The following UGT1A9 variants were observed in gnomAD, a reference collection of about 807,000 sequenced individuals.
The protein encoded by UGT1A9 is UDP glucuronosyltransferase family 1 member A9.
A neutral mutation model predicts 45.0 loss-of-function variants in UGT1A9; 35 were observed. The observed-to-expected ratio is 0.78, with a 90% confidence interval of 0.59 to 1.03. The LOEUF (loss-of-function observed/expected upper bound fraction) is 1.03, where lower values mean the gene tolerates loss of function less well. Among genes scored for constraint, UGT1A9 ranks in the 50% least tolerant of loss-of-function variants. The pLI is 0.00. For missense variants in UGT1A9, 687 were observed against 666.6 expected (o/e 1.03, Z -0.34); for synonymous variants, 278 against 250.6 (o/e 1.11, Z -1.03).
At chr2:233,693,986 G>C in intron 1 of UGT1A9, 11 of 1,543,072 alleles carry the variant, frequency 7.1e-6, no homozygotes, top group Non-Finnish European at 9.6e-6. Context: ...GTGGGGGGAA[G>C]TGATACCCGG....
intron 1 of UGT1A9, among the ~76,000 whole-genome samples, chr2:233,677,710 C>A (rs2074397384): frequency 6.6e-6 from 1 of 152,048 alleles, no homozygotes; most frequent in Non-Finnish European, 1.5e-5. Context: ...GAAAAGGGAA[C>A]ACTTGTACCC....
chr2:233,748,732 T>A (rs1233122564), intron 1 of UGT1A9, among the ~76,000 whole-genome samples: 1 of 151,606 alleles, frequency 6.6e-6, no homozygotes, highest in East Asian at 1.9e-4. Context: ...TGTGGGGACA[T>A]CTCAGAGTTC....
rs564101757 is a variant in UGT1A9, at chr2:233,734,503, C to G, written c.856-32531C>G. On this transcript the variant is annotated intron_variant, in intron 1 of 4. Transcript: ENST00000354728. ...GATTTTTTTGAAGGTTTTTTTGTGTCTCTATCTCTTTCAGTTCTGCTCTGA... is the reference window on the plus strand; with the variant it reads ...GATTTTTTTGAAGGTTTTTTTGTGTGTCTATCTCTTTCAGTTCTGCTCTGA... Among the ~76,000 whole-genome samples the G allele has an allele frequency of 2.0e-5, 3 of 152,124 alleles. No homozygotes were observed. The South Asian group carries it at 6.2e-4, about 32-fold the overall frequency.
intron 1 of UGT1A9, among the ~76,000 whole-genome samples, chr2:233,753,898 C>T (rs1695337682): frequency 6.6e-6 from 1 of 152,234 alleles, no homozygotes; most frequent in Non-Finnish European, 1.5e-5. Context: ...AAGGAACATG[C>T]TTCTTACACC....
chr2:233,675,858 G>A (rs2074337721), intron 1 of UGT1A9, among the ~76,000 whole-genome samples: 1 of 151,982 alleles, frequency 6.6e-6, no homozygotes, highest in African/African-American at 2.4e-5. Context: ...TAAAAAATAA[G>A]AAAAATTTGT....
At chr2:233,692,695 T>A in intron 1 of UGT1A9, 1 of 372,950 alleles carries the variant, frequency 2.7e-6, no homozygotes, top group Non-Finnish European at 3.7e-6. Context: ...CTCAGGGGTC[T>A]CTCCAAGTCA....
intron 1 of UGT1A9, chr2:233,718,844 C>G (rs1382357882): frequency 6.2e-7 from 1 of 1,613,706 alleles, no homozygotes; most frequent in Non-Finnish European, 8.5e-7. Flanking sequence ...TCCAGGTTCC[C>G]CTGCCGCGGC....
chr2:233,714,052 C>G (rs2076362832), intron 1 of UGT1A9, among the ~76,000 whole-genome samples: 1 of 152,078 alleles, frequency 6.6e-6, no homozygotes, highest in Non-Finnish European at 1.5e-5. Context: ...TCAATGGCCA[C>G]TGAGAGGAAG....
At chr2:233,746,657 G>T (rs4663333) in intron 1 of UGT1A9, among the ~76,000 whole-genome samples, 82,861 of 151,208 alleles carry the variant, frequency 0.55, 24,907 homozygotes, top group African/African-American at 0.8. Flanking sequence ...TTTCTGTCCC[G>T]AGTTCCTAGC....
chr2:233,701,891 A>G (rs955417049), intron 1 of UGT1A9, among the ~76,000 whole-genome samples: 4 of 152,178 alleles, frequency 2.6e-5, no homozygotes, highest in Non-Finnish European at 5.9e-5. Flanking sequence ...AAGAGAAAGC[A>G]GAAAAGATCT....
intron 1 of UGT1A9, among the ~76,000 whole-genome samples, chr2:233,726,110 G>C (rs2077503399): frequency 6.6e-6 from 1 of 152,164 alleles, no homozygotes; most frequent in Non-Finnish European, 1.5e-5. Context: ...AGGCTGCAGT[G>C]TGCCATGTTC....
At chr2:233,722,022 T>C (rs2076987174) in intron 1 of UGT1A9, 2 of 248,590 alleles carry the variant, frequency 8.0e-6, no homozygotes, top group Non-Finnish European at 1.6e-5. Flanking sequence ...AACTGAAACC[T>C]CTTGAATTGC....
Position 233,672,166 on chromosome 2 carries a change from T to C in UGT1A9, c.232T>C (p.Ser78Pro). Residue 78 changes from serine (S) to proline (P), a missense_variant, in exon 1 of 5, where the codon TCA becomes CCA. Transcript: ENST00000354728. Reference protein sequence around the residue: ...RSLNCTVKTYSTSYTLEDLDR... With the variant: ...RSLNCTVKTYPTSYTLEDLDR... ...ACTGAATTGCACAGTGAAGACTTATTCAACTTCATATACCCTGGAGGATCT... is the reference window on the plus strand; with the variant it reads ...ACTGAATTGCACAGTGAAGACTTATCCAACTTCATATACCCTGGAGGATCT... 6.2e-7 allele frequency: 1 copy of C among 1,614,190 alleles called. No homozygotes were observed. Among genetic ancestry groups the C allele is most frequent in the Non-Finnish European group, 8.5e-7 (1 of 1,180,030 alleles).
intron 1 of UGT1A9, among the ~76,000 whole-genome samples, chr2:233,756,600 G>A (rs1331506160): frequency 6.6e-6 from 1 of 152,122 alleles, no homozygotes; most frequent in Non-Finnish European, 1.5e-5. Flanking sequence ...TTACTGTATC[G>A]AAACCATTAA....
chr2:233,756,334 A>G (rs1057243294), intron 1 of UGT1A9: 3 of 152,176 alleles, frequency 2.0e-5, no homozygotes, highest in African/African-American at 7.2e-5. Context: ...ACCTCTAGTC[A>G]TCTCTTGATT....
chr2:233,689,896 C>G (rs2074964875), intron 1 of UGT1A9: 1 of 456,544 alleles, frequency 2.2e-6, no homozygotes, highest in African/African-American at 2.0e-5. Context: ...ATTTATTTCT[C>G]AGGGCCAGGT....
Position 233,712,946 on chromosome 2 carries a change from G to C in UGT1A9, c.855+40157G>C, listed in dbSNP as rs541299523. The C allele has an allele frequency of 5.3e-5, 86 of 1,612,678 alleles. 1 individual carries two copies. In the South Asian group the frequency reaches 8.8e-4, roughly 16 times the overall value. On this transcript the variant is annotated intron_variant, in intron 1 of 4. Coordinates refer to ENST00000354728, the MANE Select transcript of UGT1A9 (RefSeq NM_021027.3). ...TAAGACGAAGGAAACAATTCTAGGA[G>C]GCACAACGTGGGGTGGACAGTCAGC...
rs781623948 is a variant in UGT1A9, at chr2:233,772,355, G to A, written c.1389G>A (p.Met463Ile). ...CCGTGTTCTGGGTGGAGTTTGTGAT[G>A]AGGCACAAGGGCGCGCCACACCTGC... Reference protein sequence around the residue: ...DLAVFWVEFVMRHKGAPHLRP... With the variant: ...DLAVFWVEFVIRHKGAPHLRP... The change falls in exon 5 of 5, where the codon ATG (methionine) becomes ATA (isoleucine). Residue 463 changes from methionine to isoleucine, a missense_variant. Met to Ile is a conservative substitution (Grantham distance 10, BLOSUM62 1). Coordinates refer to ENST00000354728, the MANE Select transcript of UGT1A9 (RefSeq NM_021027.3). 1 of 1,614,130 alleles carries A rather than the reference G, an allele frequency of 6.2e-7. No homozygotes were observed. Among genetic ancestry groups the A allele is most frequent in the Non-Finnish European group, 8.5e-7 (1 of 1,180,056 alleles).
intron 1 of UGT1A9, among the ~76,000 whole-genome samples, chr2:233,758,755 T>C (rs1329338381): frequency 1.3e-5 from 2 of 152,208 alleles, no homozygotes; most frequent in African/African-American, 4.8e-5. Flanking sequence ...TGGCCAGTGA[T>C]GTGTATGGTT....
Sources: allele counts gnomAD v4.1 joint callset (sites outside exome capture counted in the v4.1 genomes callset), GRCh38; gene constraint gnomAD v4.1.1; transcripts MANE v1.5; gene names NCBI Gene and HGNC (gene_info 2026-07-23, HGNC 2026-07-21).